The following SLC4A4 variants were observed in gnomAD, a reference collection of about 807,000 sequenced individuals.
The protein encoded by SLC4A4 is solute carrier family 4 member 4.
Under a neutral mutation model 111.5 loss-of-function variants are expected in SLC4A4, and 27 were observed. That is an observed-to-expected ratio of 0.24 (90% CI 0.18 to 0.33). The LOEUF (loss-of-function observed/expected upper bound fraction) is 0.33, where lower values mean the gene tolerates loss of function less well. Ranked by LOEUF, SLC4A4 falls within the 10% of genes least tolerant of loss-of-function variation. SLC4A4 has a pLI of 1.00. For missense variants in SLC4A4, 909 were observed against 1,315.5 expected, an observed-to-expected ratio of 0.69 and a Z score of 4.78; for synonymous variants, 443 against 463.4, an observed-to-expected ratio of 0.96 and a Z score of 0.57.
rs561585961 is a variant in SLC4A4 at position 71,180,916 on chromosome 4, G to C, written c.-1-55660G>C. ...TGCTACTAGAAAGACACATGCACAC[G>C]TATGTTTACTGCGGCACTATTCACA... On this transcript the variant is annotated intron_variant, in intron 2 of 26. Transcript: ENST00000649996. Among the ~76,000 whole-genome samples, 10 of 152,146 alleles carry C rather than the reference G, an allele frequency of 6.6e-5. No individual in the cohort carries two copies. The South Asian group carries it at 2.1e-3, about 32-fold the overall frequency.
intron 3 of SLC4A4, among the ~76,000 whole-genome samples, chr4:71,311,926 A>AGAGAGAGAGAGAGAGG (rs1726221650): frequency 6.6e-6 from 1 of 151,228 alleles, no homozygotes; most frequent in Non-Finnish European, 1.5e-5. Context: ...AGAGAGAGAG[A>AGAGAGAGAGAGAGAGG]GAGAGAGAAG....
chr4:71,372,843 T>C (rs971685751), intron 6 of SLC4A4, among the ~76,000 whole-genome samples: 10 of 151,392 alleles, frequency 6.6e-5, no homozygotes, highest in Non-Finnish European at 1.3e-4. Flanking sequence ...TACTGTTTTC[T>C]TTGTTTTTTT....
In SLC4A4 at chr4:71,255,446, A is replaced by G. The variant is rs4694388; in HGVS notation, c.253+47A>G. 0.16 allele frequency: 248,210 copies of G among 1,584,032 alleles called. 25,086 individuals carry two copies. Among genetic ancestry groups the G allele is most frequent in the East Asian group, 0.45 (20,242 of 44,716 alleles). ...GTGCCTCTCTCTGCCTCACTCCCAC[A>G]TCTTTGAGAAGGACACCTTTTTGAA... On this transcript the variant is annotated intron_variant, in intron 3 of 25. Transcript: ENST00000264485.
chr4:71,302,930 C>G (rs1725384607), intron 3 of SLC4A4, among the ~76,000 whole-genome samples: 1 of 152,156 alleles, frequency 6.6e-6, no homozygotes, highest in Non-Finnish European at 1.5e-5. Context: ...TTTTCAAGCT[C>G]CGTTATGTCT....
At chr4:71,437,404 C>T (rs765948305) in intron 7 of SLC4A4, 15 of 298,206 alleles carry the variant, frequency 5.0e-5, no homozygotes, top group East Asian at 8.8e-5. Context: ...GGGATTGCAT[C>T]GGGTAATACT....
intron 16 of SLC4A4, among the ~76,000 whole-genome samples, chr4:71,502,776 A>G (rs1731059397): frequency 6.6e-6 from 1 of 152,174 alleles, no homozygotes; most frequent in Admixed American, 6.5e-5. Flanking sequence ...GAATGTTACA[A>G]ATGCAGTTGA....
At chr4:71,560,285 C>A in intron 23 of SLC4A4, 31 bp downstream of exon 23, 1 of 1,577,216 alleles carries the variant, frequency 6.3e-7, no homozygotes, top group Non-Finnish European at 8.6e-7. Context: ...CAAAGGAAAG[C>A]TAGTTAAAGA....
At chr4:71,114,114 G>T (rs1250206917) in intron 2 of SLC4A4, among the ~76,000 whole-genome samples, 1 of 152,168 alleles carries the variant, frequency 6.6e-6, no homozygotes, top group East Asian at 1.9e-4. Context: ...GGGCGTGGTG[G>T]CAGGCGCCTG....
chr4:71,435,620 G>A (rs1724061360), intron 7 of SLC4A4, among the ~76,000 whole-genome samples: 1 of 152,134 alleles, frequency 6.6e-6, no homozygotes, highest in Admixed American at 6.6e-5. Context: ...GAGTGAACAG[G>A]CAACCTACAG....
upstream of SLC4A4, among the ~76,000 whole-genome samples, chr4:71,184,369 C>A (rs1012835888): frequency 6.6e-6 from 1 of 152,144 alleles, no homozygotes; most frequent in African/African-American, 2.4e-5. Context: ...GACATTATGT[C>A]GTCATCACCT....
Position 71,344,102 on chromosome 4 carries a change from T to C in SLC4A4, c.389+4597T>C, listed in dbSNP as rs574117685. ...TTTAGCATACCATATATCTTGTTATTGTCTCTTCCCAATAGAATTAAAGCT... is the reference window on the plus strand; with the variant it reads ...TTTAGCATACCATATATCTTGTTATCGTCTCTTCCCAATAGAATTAAAGCT... On this transcript the variant is annotated intron_variant, in intron 4 of 25. Coordinates refer to ENST00000264485, the MANE Select transcript of SLC4A4 (RefSeq NM_001098484.3). 2.7e-4 allele frequency among the ~76,000 whole-genome samples: 41 copies of C among 152,282 alleles called. 1 individual carries two copies. Among genetic ancestry groups the C allele is most frequent in the Admixed American group, 6.5e-4 (10 of 15,282 alleles).
intron 16 of SLC4A4, among the ~76,000 whole-genome samples, chr4:71,530,033 G>T (rs746835708): frequency 2.2e-4 from 33 of 152,046 alleles, no homozygotes; most frequent in Non-Finnish European, 4.4e-4. Flanking sequence ...CTTAATAAAT[G>T]AGTTTTCTCC....
At position 71,350,144 on chromosome 4, in the gene SLC4A4, T is replaced by C. The variant is rs1233889327; in HGVS notation, c.550+72T>C. 7.9e-6 allele frequency: 11 copies of C among 1,396,104 alleles called. No individual in the cohort carries two copies. In the South Asian group the frequency reaches 8.1e-5, roughly 10 times the overall value. The allele number at this position is 1,396,104 out of a possible 1,614,324, so 86.5% of individuals were successfully genotyped here. On this transcript the variant is annotated intron_variant, in intron 5 of 25. Transcript: ENST00000264485. ...AGCCACATGTCTCCATCAAGGCAGATGACTAGTACTGTAAGCAGAGTTAAA... is the reference window on the plus strand; with the variant it reads ...AGCCACATGTCTCCATCAAGGCAGACGACTAGTACTGTAAGCAGAGTTAAA...
chr4:71,338,567 T>TTC (rs1420178661), intron 3 of SLC4A4, among the ~76,000 whole-genome samples: 24 of 137,052 alleles, frequency 1.8e-4, no homozygotes, highest in Admixed American at 1.7e-3. Flanking sequence ...CTTCTTCTTC[T>TTC]TTTTTTTTTT....
At chr4:71,189,057 T>A (rs936875394) in intron 1 of SLC4A4, among the ~76,000 whole-genome samples, 8 of 152,162 alleles carry the variant, frequency 5.3e-5, no homozygotes, top group Non-Finnish European at 1.2e-4. Context: ...GCAGTACCAC[T>A]ACATTATGAG....
intron 2 of SLC4A4, among the ~76,000 whole-genome samples, chr4:71,159,840 G>A (rs1479456553): frequency 1.3e-5 from 2 of 152,112 alleles, no homozygotes; most frequent in East Asian, 3.9e-4. Flanking sequence ...AGTTTCCAAT[G>A]CATTTGGTTT....
chr4:71,128,965 C>T (rs151264517), intron 2 of SLC4A4, among the ~76,000 whole-genome samples: 223 of 152,110 alleles, frequency 1.5e-3, no homozygotes, highest in African/African-American at 4.7e-3. Context: ...ATATTCTCCG[C>T]CTTTGAATTA....
chr4:71,252,289 G>A (rs1410978235), intron 2 of SLC4A4, among the ~76,000 whole-genome samples: 4 of 152,108 alleles, frequency 2.6e-5, no homozygotes, highest in South Asian at 2.1e-4. Context: ...GTATTTGATT[G>A]TCCCTTTGAG....
chr4:71,397,725 AGGTGAT>A, intron 7 of SLC4A4, 72 bp downstream of exon 7: 1 of 1,338,536 alleles, frequency 7.5e-7, no homozygotes, highest in Non-Finnish European at 1.1e-6. Context: ...AAAGGATTAG[AGGTGAT>A]GGTTGCTTCA....
Sources: allele counts gnomAD v4.1 joint callset (sites outside exome capture counted in the v4.1 genomes callset), GRCh38; gene constraint gnomAD v4.1.1; transcripts MANE v1.5; gene names NCBI Gene and HGNC (gene_info 2026-07-23, HGNC 2026-07-21).